Variants in BTNL3 observed in about 807,000 individuals in gnomAD.
The protein encoded by BTNL3 is butyrophilin-like protein 3.
In BTNL3, 20 loss-of-function variants were observed where a neutral mutation model predicts 40.1. The ratio of observed to expected loss-of-function variants is 0.50; its 90% confidence interval spans 0.35 to 0.72. The LOEUF is 0.72. Ranked by LOEUF, BTNL3 falls within the 30% of genes least tolerant of loss-of-function variation. The pLI is 0.01. For missense variants in BTNL3, 449 were observed against 582.2 expected, an observed-to-expected ratio of 0.77 and a Z score of 2.35; for synonymous variants, 179 against 222.1, an observed-to-expected ratio of 0.81 and a Z score of 1.73.
intron 3 of BTNL3, among the ~76,000 whole-genome samples, chr5:181,001,794 G>A (rs144446385): frequency 0.016 from 2,200 of 134,824 alleles, 498 homozygotes; most frequent in Non-Finnish European, 0.027. Flanking sequence ...GCAGTGAGCC[G>A]AGATCGCGCC....
intron 3 of BTNL3, among the ~76,000 whole-genome samples, chr5:180,997,819 C>T (rs999356038): frequency 2.2e-5 from 3 of 136,810 alleles, no homozygotes; most frequent in African/African-American, 7.6e-5. Context: ...TAGAAAACGT[C>T]GTTGCTCCTT....
In BTNL3 at chr5:181,006,344, A is replaced by C. The variant is rs1217201913; in HGVS notation, c.*472A>C. The C allele has an allele frequency of 8.6e-6, 2 of 232,614 alleles. No individual in the cohort carries two copies. Among genetic ancestry groups the C allele is most frequent in the Non-Finnish European group, 8.2e-6 (1 of 121,812 alleles). The allele number at this position is 232,614 out of a possible 1,614,324, so 14.4% of individuals were successfully genotyped here. ...TTTATATTATACATTTTCCCACCATAAACTCTGTTTGCTTATTCCACATTA... is the reference window on the plus strand; with the variant it reads ...TTTATATTATACATTTTCCCACCATCAACTCTGTTTGCTTATTCCACATTA... On this transcript the variant is annotated 3_prime_UTR_variant, in exon 8 of 8. Coordinates refer to ENST00000342868, the MANE Select transcript of BTNL3 (RefSeq NM_197975.3).
In BTNL3 at chr5:181,005,368, G is replaced by A. The variant is rs1010830503; in HGVS notation, c.897G>A (p.Pro299=). The A allele has an allele frequency of 9.3e-6, 15 of 1,612,634 alleles. No individual in the cohort carries two copies. Among genetic ancestry groups the A allele is most frequent in the South Asian group, 7.7e-5 (7 of 91,034 alleles). The change falls in exon 8 of 8, where the codon CCG becomes CCA. Residue 299 remains proline, a synonymous_variant. Coordinates refer to ENST00000342868, the MANE Select transcript of BTNL3 (RefSeq NM_197975.3). The stretch of plus-strand genomic sequence containing the variant: ...CTCTGGATCCAGAGACGGCTCACCC[G>A]AAGCTCTGCGTTTCTGATCTGAAAA... ...EVTLDPETAH[P]KLCVSDLKTV...
In BTNL3 at chr5:180,988,941, C is replaced by A; in HGVS notation, c.-88C>A. 2.2e-6 allele frequency: 3 copies of A among 1,351,934 alleles called. 1 individual carries two copies. The Admixed American group carries it at 7.6e-5, about 34-fold the overall frequency. The allele number at this position is 1,351,934 out of a possible 1,614,324, so 83.7% of individuals were successfully genotyped here. The stretch of plus-strand genomic sequence containing the variant: ...AAGAGCCTCTCCACGGCTCCTGCGC[C>A]TGAGACAGCTGGCCTGACCTCCAAA... On this transcript the variant is annotated 5_prime_UTR_variant, in exon 1 of 8. The change creates a new upstream start codon in the 5' untranslated region. Coordinates refer to ENST00000342868, the MANE Select transcript of BTNL3 (RefSeq NM_197975.3).
At chr5:180,995,196 T>A (rs950223616) in intron 2 of BTNL3, among the ~76,000 whole-genome samples, 3 of 137,532 alleles carry the variant, frequency 2.2e-5, no homozygotes, top group African/African-American at 7.5e-5. Flanking sequence ...TTATAACATC[T>A]ATGGTTTTTG....
chr5:181,002,484 A>ATATATATATG (rs1760135389), intron 3 of BTNL3, among the ~76,000 whole-genome samples, 188 bp from the exon 4 acceptor site: 1 of 48,434 alleles, frequency 2.1e-5, no homozygotes, highest in Non-Finnish European at 4.0e-5. Flanking sequence ...ATATATATAT[A>ATATATATATG]TATATATATA....
rs1441839694 is a variant in BTNL3 at position 181,000,558 on chromosome 5, G to A, written c.674-2114G>A. Among the ~76,000 whole-genome samples, 2 of 135,902 alleles carry A rather than the reference G, an allele frequency of 1.5e-5. 1 individual carries two copies. The highest frequency in any genetic ancestry group is 3.4e-5 in the Non-Finnish European group (2 of 59,584). The allele number at this position is 135,902 out of a possible 152,430, so 89.2% of individuals were successfully genotyped here. Reference sequence around the variant, plus strand: ...GCGGTGGCTCACGCCTGTAATCCCAGCACTTTGGGAGGCCGAGGCAGGTGG... The same window carrying A: ...GCGGTGGCTCACGCCTGTAATCCCAACACTTTGGGAGGCCGAGGCAGGTGG... On this transcript the variant is annotated intron_variant, in intron 3 of 7. Coordinates refer to ENST00000342868, the MANE Select transcript of BTNL3 (RefSeq NM_197975.3).
rs1760237825 is a variant in BTNL3 at position 181,006,545 on chromosome 5, A to T, written c.*673A>T. The T allele has an allele frequency of 6.6e-6, 1 of 152,312 alleles. No homozygotes were observed. Among genetic ancestry groups the T allele is most frequent in the Non-Finnish European group, 1.5e-5 (1 of 68,132 alleles). 9.4% of individuals were successfully genotyped at this position (152,312 alleles called of 1,614,324 possible). A position where few individuals can be genotyped will look rare whatever the true frequency, so the allele number is the denominator to read the frequency against. ...AGAGGAAGGAAAACTACAGGTCCAT[A>T]TCCCTCATTAACACAGACACAAAAA... is the stretch of plus-strand genomic sequence containing the variant. On this transcript the variant is annotated 3_prime_UTR_variant, in exon 8 of 8. Coordinates refer to ENST00000342868, the MANE Select transcript of BTNL3 (RefSeq NM_197975.3).
rs534109744 is a variant in BTNL3 at position 181,006,071 on chromosome 5, G to C, written c.*199G>C. The C allele has an allele frequency of 5.2e-5, 31 of 592,166 alleles. No homozygotes were observed. In the African/African-American group the frequency reaches 5.4e-4, roughly 10 times the overall value. 36.7% of individuals were successfully genotyped at this position (592,166 alleles called of 1,614,324 possible). A position where few individuals can be genotyped will look rare whatever the true frequency, so the allele number is the denominator to read the frequency against. ...GCAGTCACAGCTTCCAGATGAGGGG[G>C]GATTGGCCTGACCCTGTGGGAGTCA... is the stretch of plus-strand genomic sequence containing the variant. On this transcript the variant is annotated 3_prime_UTR_variant, in exon 8 of 8. Coordinates refer to ENST00000342868, the MANE Select transcript of BTNL3 (RefSeq NM_197975.3).
chr5:180,992,798 T>G lies in BTNL3; in HGVS notation c.50-15T>G. 6.8e-7 allele frequency: 1 copy of G among 1,462,718 alleles called. No homozygotes were observed. Among genetic ancestry groups the G allele is most frequent in the Non-Finnish European group, 9.4e-7 (1 of 1,058,828 alleles). 90.6% of individuals were successfully genotyped at this position (1,462,718 alleles called of 1,614,324 possible). A position where few individuals can be genotyped will look rare whatever the true frequency, so the allele number is the denominator to read the frequency against. On this transcript the variant is annotated splice_polypyrimidine_tract_variant and intron_variant, in intron 1 of 7. Coordinates refer to ENST00000342868, the MANE Select transcript of BTNL3 (RefSeq NM_197975.3). ...GTGGATTTTGCTCAGTTGTCTGTTA[T>G]GTTTCCTCCTATAGGACAGTGGCAA...
At position 180,989,061 on chromosome 5, in the gene BTNL3, C is replaced by G. The variant is rs79915597; in HGVS notation, c.33C>G (p.Phe11Leu). 3.9e-3 allele frequency: 5,584 copies of G among 1,448,098 alleles called. 804 individuals carry two copies. The African/African-American group carries it at 0.066, about 17-fold the overall frequency. 89.7% of individuals were successfully genotyped at this position (1,448,098 alleles called of 1,614,324 possible). A position where few individuals can be genotyped will look rare whatever the true frequency, so the allele number is the denominator to read the frequency against. MAFVLILVLS[F>L]YELVSGQWQV... ...TTGTGCTCATTTTGGTTCTCAGTTT[C>G]TACGAGCTGGTGTCAGGTAAGCCTT... is the stretch of plus-strand genomic sequence containing the variant. Residue 11 changes from phenylalanine to leucine, a missense_variant, in exon 1 of 8, where the codon TTC becomes TTG. Transcript: ENST00000342868.
intron 7 of BTNL3, 145 bp downstream of exon 7, chr5:181,004,907 C>A: frequency 1.3e-6 from 2 of 1,502,840 alleles, no homozygotes; most frequent in Non-Finnish European, 1.8e-6. Context: ...CACTTCTTGG[C>A]CCAGGACTTG....
At chr5:180,997,581 C>A in intron 3 of BTNL3, 93 bp downstream of exon 3, 1 of 1,387,860 alleles carries the variant, frequency 7.2e-7, no homozygotes, top group Non-Finnish European at 9.9e-7. Context: ...TGTGTAGTAC[C>A]ATCCAGCTTC....
chr5:180,997,438 T>C lies in BTNL3; in HGVS notation c.623T>C (p.Ile208Thr). The change falls in exon 3 of 8, where the codon ATC (isoleucine) becomes ACC (threonine). Residue 208 changes from isoleucine to threonine, a missense_variant. Around this residue, in one of 2 missense-constraint regions of BTNL3, gnomAD observed 323 missense variants for 464.9 expected, o/e 0.69. Coordinates refer to ENST00000342868, the MANE Select transcript of BTNL3 (RefSeq NM_197975.3). Reference protein sequence around the residue: ...QENAGSILCSIHLAEQSHEVE... With the variant: ...QENAGSILCSTHLAEQSHEVE... ...AATGCTGGGAGCATATTGTGTTCCA[T>C]CCACCTTGCTGAGCAGAGTCATGAG... is the stretch of plus-strand genomic sequence containing the variant. 1 of 1,463,332 alleles carries C rather than the reference T, an allele frequency of 6.8e-7. No homozygotes were observed. The highest frequency in any genetic ancestry group is 9.4e-7 in the Non-Finnish European group (1 of 1,058,912). 90.6% of individuals were successfully genotyped at this position (1,463,332 alleles called of 1,614,324 possible).
chr5:181,003,982 C>A (rs1445300460), intron 5 of BTNL3, 106 bp downstream of exon 5: 7 of 1,594,268 alleles, frequency 4.4e-6, no homozygotes, highest in Non-Finnish European at 5.2e-6. Flanking sequence ...ACAGGAAGCA[C>A]CGGCAGGTGG....
rs1673058494 is a variant in BTNL3, at chr5:180,997,265, C to T, written c.450C>T (p.Ile150=). The T allele has an allele frequency of 6.8e-7, 1 of 1,464,594 alleles. No individual in the cohort carries two copies. 90.7% of individuals were successfully genotyped at this position (1,464,594 alleles called of 1,614,324 possible). A position where few individuals can be genotyped will look rare whatever the true frequency, so the allele number is the denominator to read the frequency against. Residue 150 remains isoleucine (I), a synonymous_variant, in exon 3 of 8, where the codon ATC becomes ATT. Transcript: ENST00000342868. ...TCGTGGGATATGTTGACGGAGGTAT[C>T]CAGTTACTCTGCCTGTCCTCAGGCT... ...ISIVGYVDGG[I]QLLCLSSGWF...
Position 181,002,471 on chromosome 5 carries a change from A to AATATATATATATATATATAT in BTNL3, c.674-186_674-167dup, listed in dbSNP as rs56895500. On this transcript the variant is annotated intron_variant, in intron 3 of 7. Transcript: ENST00000342868. The stretch of plus-strand genomic sequence containing the variant: ...TAACGCGCACACACACACACACGTG[A>AATATATATATATATATATAT]ATATATATATATATATATATATATA... Among the ~76,000 whole-genome samples, 120 of 73,856 alleles carry AATATATATATATATATATAT rather than the reference A, an allele frequency of 1.6e-3. 2 individuals carry two copies. Among genetic ancestry groups the AATATATATATATATATATAT allele is most frequent in the African/African-American group, 2.4e-3 (57 of 23,978 alleles). 48.5% of individuals were successfully genotyped at this position (73,856 alleles called of 152,430 possible).
At chr5:181,004,710 TG>T in intron 6 of BTNL3, 25 bp from the exon 7 acceptor site, 1 of 1,614,182 alleles carries the variant, frequency 6.2e-7, no homozygotes, top group Non-Finnish European at 8.5e-7. Flanking sequence ...AGCACGGAAC[TG>T]CCTGCTCTCT....
chr5:181,004,689 T>C, intron 6 of BTNL3, 47 bp from the exon 7 acceptor site: 1 of 1,614,000 alleles, frequency 6.2e-7, no homozygotes, highest in Non-Finnish European at 8.5e-7. Flanking sequence ...CTGCGCCCTG[T>C]TTCCCACGTG....
Sources: gnomAD v4.1 joint callset for allele counts (sites outside exome capture counted in the v4.1 genomes callset) on GRCh38, gnomAD v4.1.1 for gene constraint, gnomAD v4.1.1 regional missense constraint, MANE v1.5 for transcripts, NCBI Gene and HGNC (gene_info 2026-07-23, HGNC 2026-07-21) for gene names.